Variants in SANBR observed in about 807,000 individuals in gnomAD.
The protein encoded by SANBR is SANT and BTB domain regulator of class switch recombination.
A neutral mutation model predicts 101.8 loss-of-function variants in SANBR; 77 were observed. The observed-to-expected ratio is 0.76, with a 90% CI of 0.63 to 0.91. The LOEUF (loss-of-function observed/expected upper bound fraction) is 0.91, where lower values mean the gene tolerates loss of function less well. SANBR is among the 40% of genes least tolerant of loss of function. The pLI, the probability that SANBR is intolerant of heterozygous loss-of-function variation, is 0.00. For synonymous variants in SANBR, 279 were observed against 274.7 expected (o/e 1.02, Z -0.15); for missense variants, 875 against 853.0 (o/e 1.03, Z -0.32).
chr2:61,075,067 G>A (rs1681693535), intron 5 of SANBR: 1 of 151,856 alleles, frequency 6.6e-6, no homozygotes, highest in Non-Finnish European at 1.5e-5. Flanking sequence ...CAAGGTGCTG[G>A]GATTACAGTT....
At chr2:61,079,331 T>C (rs1681963648) in intron 6 of SANBR, among the ~76,000 whole-genome samples, 1 of 152,188 alleles carries the variant, frequency 6.6e-6, no homozygotes, top group Non-Finnish European at 1.5e-5. Context: ...CTGAGTAATA[T>C]TTCAATGGGC....
At chr2:61,067,514 G>T (rs1292499450) in intron 1 of SANBR, among the ~76,000 whole-genome samples, 2 of 152,142 alleles carry the variant, frequency 1.3e-5, no homozygotes. Flanking sequence ...GAGACGGGCG[G>T]ATCACGAGGT....
rs138544453 is a variant in SANBR, at chr2:61,116,902, C to T, written c.1837-455C>T. Among the ~76,000 whole-genome samples, 428 of 151,768 alleles carry T rather than the reference C, an allele frequency of 2.8e-3. 1 individual carries two copies. Among genetic ancestry groups the T allele is most frequent in the African/African-American group, 8.7e-3 (359 of 41,392 alleles). On this transcript the variant is annotated intron_variant, in intron 17 of 21. Coordinates refer to ENST00000402291, the MANE Select transcript of SANBR (RefSeq NM_001129993.3). ...ACCCCATTTCTACTAAAAAAAAATA[C>T]AAAAATTAGCCAGGTATGGTGGCAC...
intron 21 of SANBR, among the ~76,000 whole-genome samples, chr2:61,134,897 A>AT (rs1248917240): frequency 2.0e-5 from 3 of 151,598 alleles, no homozygotes; most frequent in African/African-American, 7.3e-5. Context: ...AAAAATAAAT[A>AT]TTTTTTTGGC....
chr2:61,108,323 T>C lies in SANBR; in HGVS notation c.1618T>C (p.Ser540Pro), dbSNP rs1185408517. The C allele has an allele frequency of 1.3e-6, 2 of 1,572,564 alleles. No individual in the cohort carries two copies. The highest frequency in any genetic ancestry group is 1.4e-5 in the African/African-American group (1 of 73,384). ...PKTGELNAFLSLKNWTLQLKQ... is the reference protein window; with the variant it reads ...PKTGELNAFLPLKNWTLQLKQ... ...TCTTATTCCTGTCTTGTAGTTCTTG[T>C]CATTGAAAAACTGGACTCTACAACT... is the stretch of plus-strand genomic sequence containing the variant. The change falls in exon 15 of 22, where the codon TCA becomes CCA. Residue 540 changes from serine to proline, a missense_variant. Coordinates refer to ENST00000402291, the MANE Select transcript of SANBR (RefSeq NM_001129993.3).
At chr2:61,077,242 A>G (rs10172306) in intron 6 of SANBR, 84 bp downstream of exon 6, 2 of 936,670 alleles carry the variant, frequency 2.1e-6, no homozygotes, top group Non-Finnish European at 3.4e-6. Flanking sequence ...AAATGTGGAA[A>G]ATTGTTTGGA....
At chr2:61,096,090 A>G (rs1683017288) in intron 11 of SANBR, among the ~76,000 whole-genome samples, 1 of 151,944 alleles carries the variant, frequency 6.6e-6, no homozygotes, top group Non-Finnish European at 1.5e-5. Context: ...TCTACCTCCC[A>G]CTGGCTAATG....
chr2:61,094,085 A>G (rs1326190357), intron 11 of SANBR: 4 of 983,738 alleles, frequency 4.1e-6, no homozygotes, highest in Non-Finnish European at 4.8e-6. Flanking sequence ...GGGATTTTAA[A>G]CTGTTTAAGT....
At chr2:61,117,189 A>AATAATAT in intron 17 of SANBR, 168 bp from the exon 18 acceptor site, 1 of 635,828 alleles carries the variant, frequency 1.6e-6, no homozygotes. Flanking sequence ...AGATATTAAT[A>AATAATAT]GTGCCTGTCT....
chr2:61,079,381 C>G (rs1023838066), intron 6 of SANBR, among the ~76,000 whole-genome samples: 1 of 152,134 alleles, frequency 6.6e-6, no homozygotes, highest in Non-Finnish European at 1.5e-5. Context: ...AATAGTCTTT[C>G]TATGCACTAG....
At chr2:61,097,198 A>G (rs945849829) in intron 11 of SANBR, among the ~76,000 whole-genome samples, 3 of 152,068 alleles carry the variant, frequency 2.0e-5, no homozygotes, top group Non-Finnish European at 2.9e-5. Flanking sequence ...GCAAAATTTT[A>G]TTTTTCTTTG....
At position 61,122,323 on chromosome 2, in the gene SANBR, T is replaced by C; in HGVS notation, c.*161T>C. On this transcript the variant is annotated 3_prime_UTR_variant, in exon 22 of 22. Transcript: ENST00000402291. ...TTCTAAAAGAAATGCATAGTTAGGT[T>C]TTATGAAAATCTAATTGTAAATATG... 8.1e-7 allele frequency: 1 copy of C among 1,238,400 alleles called. No individual in the cohort carries two copies. The highest frequency in any genetic ancestry group is 2.8e-5 in the East Asian group (1 of 36,226). The allele number at this position is 1,238,400 out of a possible 1,614,324, so 76.7% of individuals were successfully genotyped here. A position where few individuals can be genotyped will look rare whatever the true frequency, so the allele number is the denominator to read the frequency against.
Position 61,088,163 on chromosome 2 carries a change from C to A in SANBR, c.895C>A (p.Leu299Ile). The change falls in exon 9 of 22, where the codon CTT becomes ATT. Residue 299 changes from leucine (L) to isoleucine (I), a missense_variant. Physicochemically the swap from Leu to Ile is conservative, Grantham distance 5. Coordinates refer to ENST00000402291, the MANE Select transcript of SANBR (RefSeq NM_001129993.3). ...TTGGTCATTTGTTGTTAATAGCAAA[C>A]TTTTTTGTAAGAAGATTGAAAGACT... ...KDKKDKFKSK[L>I]FCKKIERLFD... is the part of the protein sequence containing the mutation. 6.3e-7 allele frequency: 1 copy of A among 1,594,344 alleles called. No homozygotes were observed. The highest frequency in any genetic ancestry group is 1.2e-5 in the South Asian group (1 of 86,818).
At chr2:61,137,493 A>G (rs1202604251) in exon 22 of SANBR, 1 of 152,306 alleles carries the variant, frequency 6.6e-6, no homozygotes, top group African/African-American at 2.4e-5. Context: ...ATATGGAAGA[A>G]CATTGGACAG....
At chr2:61,127,443 T>C (rs1684545875), downstream of SANBR, among the ~76,000 whole-genome samples, 1 of 152,190 alleles carries the variant, frequency 6.6e-6, no homozygotes, top group East Asian at 1.9e-4. Context: ...GAAATCTGGG[T>C]AGCTTCAAGT....
downstream of SANBR, among the ~76,000 whole-genome samples, chr2:61,126,611 A>T (rs1362334807): frequency 6.6e-6 from 1 of 151,704 alleles, no homozygotes; most frequent in Non-Finnish European, 1.5e-5. Flanking sequence ...GACCAGCCTG[A>T]CCAACATGGC....
intron 17 of SANBR, chr2:61,117,011 C>T (rs1684107698): frequency 3.5e-6 from 1 of 284,880 alleles, no homozygotes; most frequent in Admixed American, 4.8e-5. Context: ...GAGCTATAAT[C>T]ATGCCACTGC....
At chr2:61,088,322 C>A (rs1274397036) in intron 9 of SANBR, 36 bp from the exon 10 acceptor site, 2 of 1,570,316 alleles carry the variant, frequency 1.3e-6, no homozygotes, top group Admixed American at 3.9e-5. Context: ...TTACATTCTT[C>A]TTCCTGGATG....
At chr2:61,085,149 C>G (rs1354868266) in intron 8 of SANBR, among the ~76,000 whole-genome samples, 1 of 152,218 alleles carries the variant, frequency 6.6e-6, no homozygotes, top group East Asian at 1.9e-4. Context: ...AAGGTCAGGA[C>G]TTAAAATAGA....
Sources: allele counts gnomAD v4.1 joint callset (sites outside exome capture counted in the v4.1 genomes callset), GRCh38; gene constraint gnomAD v4.1.1; transcripts MANE v1.5; gene names NCBI Gene and HGNC (gene_info 2026-07-23, HGNC 2026-07-21).